Variants in LINGO2 observed in about 807,000 individuals in gnomAD.
LINGO2 encodes the protein leucine rich repeat and Ig domain containing 2, also known as leucine-rich repeat and immunoglobulin-like domain-containing nogo receptor-interacting protein 2.
Under a neutral mutation model 30.6 loss-of-function variants are expected in LINGO2, and 14 were observed. The observed-to-expected ratio is 0.46, with a 90% CI of 0.30 to 0.72. LINGO2 has a LOEUF of 0.72. LINGO2 is among the 30% of genes least tolerant of loss of function. The pLI, the probability that LINGO2 is intolerant of heterozygous loss-of-function variation, is 0.07. For synonymous variants in LINGO2, 317 were observed against 288.5 expected (o/e 1.10, Z -1.00); for missense variants, 729 against 751.7 (o/e 0.97, Z 0.35).
At chr9:29,154,321 G>A in the LINGO2 span, among the ~76,000 whole-genome samples, 3 of 151,884 alleles carry the variant, frequency 2.0e-5, no homozygotes, top group South Asian at 2.1e-4. Flanking sequence ...GTGGTGGCGG[G>A]CGCCTGTAGT....
At chr9:28,265,753 T>C (rs1263160578) in intron 4 of LINGO2, among the ~76,000 whole-genome samples, 1 of 152,018 alleles carries the variant, frequency 6.6e-6, no homozygotes, top group Non-Finnish European at 1.5e-5. Context: ...TATGTTTAAA[T>C]TTATTTCTAA....
At chr9:28,040,679 T>C (rs1051972332) in intron 4 of LINGO2, among the ~76,000 whole-genome samples, 2 of 152,172 alleles carry the variant, frequency 1.3e-5, no homozygotes, top group African/African-American at 2.4e-5. Flanking sequence ...TTGCCTTGAC[T>C]GTTTCTAAAA....
chr9:28,867,682 C>A, the LINGO2 span, among the ~76,000 whole-genome samples: 6 of 152,096 alleles, frequency 3.9e-5, no homozygotes, highest in Non-Finnish European at 7.4e-5. Context: ...ATAATCCCTG[C>A]CTTCAACACG....
chr9:28,121,061 T>C (rs1827081174), intron 4 of LINGO2, among the ~76,000 whole-genome samples: 1 of 152,206 alleles, frequency 6.6e-6, no homozygotes, highest in South Asian at 2.1e-4. Context: ...AATTATATTT[T>C]AGATACACTG....
chr9:28,034,932 A>G (rs552799753), intron 4 of LINGO2, among the ~76,000 whole-genome samples: 8 of 152,328 alleles, frequency 5.3e-5, no homozygotes, highest in Admixed American at 4.6e-4. Context: ...TTTTGAGTGT[A>G]TAGAGTAAGT....
chr9:28,875,995 A>C, the LINGO2 span, among the ~76,000 whole-genome samples: 1 of 151,950 alleles, frequency 6.6e-6, no homozygotes, highest in Admixed American at 6.6e-5. Context: ...TATATTTTCC[A>C]AAAAAAATCA....
intron 1 of LINGO2, among the ~76,000 whole-genome samples, chr9:28,481,326 C>CTTTA (rs1825955193): frequency 2.0e-5 from 3 of 152,080 alleles, no homozygotes; most frequent in Non-Finnish European, 4.4e-5. Context: ...TACTCTAAGC[C>CTTTA]TTTAGTTAAC....
chr9:28,529,311 C>T (rs1821142047), intron 1 of LINGO2, among the ~76,000 whole-genome samples: 1 of 152,090 alleles, frequency 6.6e-6, no homozygotes, highest in African/African-American at 2.4e-5. Flanking sequence ...TATTCTTCTC[C>T]ATACTAGAGA....
chr9:29,206,685 C>G, the LINGO2 span, among the ~76,000 whole-genome samples: 1 of 152,152 alleles, frequency 6.6e-6, no homozygotes, highest in South Asian at 2.1e-4. Flanking sequence ...TAAGAATATC[C>G]TGAATGAGGT....
intron 2 of LINGO2, among the ~76,000 whole-genome samples, chr9:28,436,729 TTACAGGCA>T (rs1823955726): frequency 1.3e-5 from 2 of 152,140 alleles, no homozygotes; most frequent in South Asian, 4.1e-4. Flanking sequence ...AGTGCTGGGA[TTACAGGCA>T]TAAGCCACCG....
chr9:28,348,848 C>A (rs1317393656), intron 3 of LINGO2, among the ~76,000 whole-genome samples: 2 of 151,792 alleles, frequency 1.3e-5, no homozygotes, highest in Non-Finnish European at 2.9e-5. Flanking sequence ...ACCCCTGAAC[C>A]CCGGGCAGCC....
chr9:28,452,626 A>G (rs145664861), intron 2 of LINGO2, among the ~76,000 whole-genome samples: 152 of 152,034 alleles, frequency 1.0e-3, no homozygotes, highest in Non-Finnish European at 1.8e-3. Flanking sequence ...TGTGGATAAT[A>G]GCAATAAAAG....
the LINGO2 span, among the ~76,000 whole-genome samples, chr9:28,941,906 G>C: frequency 6.6e-6 from 1 of 152,158 alleles, no homozygotes. Flanking sequence ...GATAAAGACA[G>C]TAGCATTGTT....
At chr9:28,487,008 A>T (rs917885879) in intron 1 of LINGO2, among the ~76,000 whole-genome samples, 1 of 152,076 alleles carries the variant, frequency 6.6e-6, no homozygotes, top group Non-Finnish European at 1.5e-5. Context: ...AAGGTAGAGT[A>T]AAAGAAGGTA....
chr9:28,761,311 T>C, the LINGO2 span, among the ~76,000 whole-genome samples: 2 of 151,864 alleles, frequency 1.3e-5, no homozygotes, highest in Non-Finnish European at 2.9e-5. Flanking sequence ...AGTGACCCAA[T>C]ACAGATAACA....
At chr9:28,959,610 C>CCTCT in the LINGO2 span, among the ~76,000 whole-genome samples, 1 of 141,622 alleles carries the variant, frequency 7.1e-6, no homozygotes, top group African/African-American at 2.7e-5. Context: ...TCTCTCTCTC[C>CCTCT]CTCACACACA....
chr9:28,312,879 A>G (rs1437728080), intron 3 of LINGO2, among the ~76,000 whole-genome samples: 5 of 152,188 alleles, frequency 3.3e-5, no homozygotes, highest in Admixed American at 6.5e-5. Context: ...TTGTGTCAGG[A>G]AAAAAGGAAA....
At chr9:28,883,148 T>A in the LINGO2 span, among the ~76,000 whole-genome samples, 10 of 152,178 alleles carry the variant, frequency 6.6e-5, no homozygotes, top group Admixed American at 5.2e-4. Flanking sequence ...CCTTCCTCCT[T>A]CACTCTCTGT....
the LINGO2 span, among the ~76,000 whole-genome samples, chr9:28,917,788 CAG>C: frequency 6.6e-6 from 1 of 151,938 alleles, no homozygotes; most frequent in African/African-American, 2.4e-5. Flanking sequence ...TTTCAAATGA[CAG>C]AAAGTTGGGA....
Sources: gnomAD v4.1 joint callset for allele counts (sites outside exome capture counted in the v4.1 genomes callset) on GRCh38, gnomAD v4.1.1 for gene constraint, MANE v1.5 for transcripts, NCBI Gene and HGNC (gene_info 2026-07-23, HGNC 2026-07-21) for gene names.